ARRB1: variants seen among roughly 807,000 people sequenced by gnomAD.
ARRB1 encodes beta-arrestin-1.
Under a neutral mutation model 56.8 loss-of-function variants are expected in ARRB1, and 21 were observed. The observed-to-expected ratio is 0.37, with a 90% CI of 0.26 to 0.53. ARRB1 has a LOEUF of 0.53. Ranked by LOEUF, ARRB1 falls within the 20% of genes least tolerant of loss-of-function variation. ARRB1 has a pLI of 0.88. For synonymous variants in ARRB1, 210 were observed against 218.6 expected, an observed-to-expected ratio of 0.96 and a Z score of 0.35; for missense variants, 424 against 553.7, an observed-to-expected ratio of 0.77 and a Z score of 2.35.
chr11:75,314,145 C>G (rs1947222023), intron 1 of ARRB1, among the ~76,000 whole-genome samples: 1 of 152,210 alleles, frequency 6.6e-6, no homozygotes, highest in South Asian at 2.1e-4. Flanking sequence ...CACAGGACTC[C>G]AGTCCCACCA....
intron 1 of ARRB1, among the ~76,000 whole-genome samples, chr11:75,347,534 A>G (rs1301445204): frequency 6.6e-6 from 1 of 152,218 alleles, no homozygotes; most frequent in East Asian, 1.9e-4. Context: ...TGGAAACGGC[A>G]AGGCCCAGAA....
At chr11:75,349,506 A>G (rs1947816526) in intron 1 of ARRB1, among the ~76,000 whole-genome samples, 1 of 152,202 alleles carries the variant, frequency 6.6e-6, no homozygotes, top group Admixed American at 6.5e-5. Context: ...CCTGACAATC[A>G]TGTCAGCAGG....
intron 1 of ARRB1, among the ~76,000 whole-genome samples, chr11:75,335,477 C>T (rs775636233): frequency 2.6e-5 from 4 of 151,918 alleles, no homozygotes; most frequent in Non-Finnish European, 5.9e-5. Flanking sequence ...CCCAGCTACT[C>T]AGGAGGCTGA....
chr11:75,282,084 G>T, intron 5 of ARRB1, 63 bp from the exon 6 acceptor site: 1 of 1,571,376 alleles, frequency 6.4e-7, no homozygotes, highest in Non-Finnish European at 8.7e-7. Context: ...CTCATGTATT[G>T]CAGCCCAGAC....
chr11:75,284,437 C>T, intron 3 of ARRB1, 158 bp from the exon 4 acceptor site: 1 of 560,952 alleles, frequency 1.8e-6, no homozygotes, highest in Admixed American at 3.4e-5. Flanking sequence ...CACTGCCCAC[C>T]TCCACCACGC....
chr11:75,316,688 A>T (rs1172849072), intron 1 of ARRB1, among the ~76,000 whole-genome samples: 2 of 152,140 alleles, frequency 1.3e-5, no homozygotes, highest in African/African-American at 4.8e-5. Flanking sequence ...AGACACAGGC[A>T]GGAGAATCAT....
At chr11:75,316,060 G>A (rs1947258672) in intron 1 of ARRB1, among the ~76,000 whole-genome samples, 2 of 152,166 alleles carry the variant, frequency 1.3e-5, no homozygotes, top group African/African-American at 4.8e-5. Context: ...GGGTGCCGTG[G>A]CTCATGCCTG....
chr11:75,276,288 C>G (rs1340894724), intron 10 of ARRB1, among the ~76,000 whole-genome samples: 1 of 152,164 alleles, frequency 6.6e-6, no homozygotes, highest in Admixed American at 6.5e-5. Context: ...CACTTCAGAT[C>G]TCTCCACTTG....
At chr11:75,323,668 T>C (rs1179908714) in intron 1 of ARRB1, among the ~76,000 whole-genome samples, 1 of 151,680 alleles carries the variant, frequency 6.6e-6, no homozygotes, top group Non-Finnish European at 1.5e-5. Flanking sequence ...AAACCTTCTC[T>C]CCCCCCATGA....
chr11:75,289,565 T>C (rs1222274044), intron 2 of ARRB1, among the ~76,000 whole-genome samples: 1 of 152,036 alleles, frequency 6.6e-6, no homozygotes, highest in Non-Finnish European at 1.5e-5. Context: ...CCTGCTAAAC[T>C]GAGGGGGAAG....
chr11:75,270,626 CAAA>C (rs112776931), intron 13 of ARRB1, among the ~76,000 whole-genome samples: 2 of 98,590 alleles, frequency 2.0e-5, no homozygotes, highest in African/African-American at 3.7e-5. Context: ...GATTCTGTCT[CAAA>C]AAAAAAAAAA....
At chr11:75,340,059 G>A (rs150725761) in intron 1 of ARRB1, among the ~76,000 whole-genome samples, 2 of 152,348 alleles carry the variant, frequency 1.3e-5, no homozygotes, top group Non-Finnish European at 2.9e-5. Flanking sequence ...ACACACCACT[G>A]GGACAGGCCC....
chr11:75,286,674 T>A (rs1789687), intron 3 of ARRB1, among the ~76,000 whole-genome samples: 2 of 152,106 alleles, frequency 1.3e-5, no homozygotes, highest in Non-Finnish European at 2.9e-5. Flanking sequence ...CAGGCCACAC[T>A]AACAAAGAAC....
chr11:75,281,977 G>C lies in ARRB1; in HGVS notation c.399C>G (p.Pro133=). The change falls in exon 6 of 16, where the codon CCC becomes CCG. Residue 133 remains proline (P), a synonymous_variant. Transcript: ENST00000420843. The stretch of plus-strand genomic sequence containing the variant: ...GGTGACCTACCTTCCCCGTGTCTTC[G>C]GGCCCCGGCTGCAGTGTCACAGAAC... ...LPCSVTLQPG[P]EDTGKACGVD... 6.2e-7 allele frequency: 1 copy of C among 1,614,090 alleles called. No homozygotes were observed. The highest frequency in any genetic ancestry group is 8.5e-7 in the Non-Finnish European group (1 of 1,180,004).
At chr11:75,275,123 ATTTATTTTATTTTAT>A (rs71036039) in intron 10 of ARRB1, among the ~76,000 whole-genome samples, 1 of 138,034 alleles carries the variant, frequency 7.2e-6, no homozygotes, top group East Asian at 2.1e-4. Flanking sequence ...TTTAATTTAA[ATTTATTTTATTTTAT>A]TTTATTTTAT....
chr11:75,287,196 A>G, intron 3 of ARRB1, 119 bp downstream of exon 3: 1 of 1,003,366 alleles, frequency 1.0e-6, no homozygotes, highest in Non-Finnish European at 1.4e-6. Context: ...TGCCTGAAGC[A>G]GGAAGCCATT....
chr11:75,290,731 G>A (rs964149754), intron 1 of ARRB1, among the ~76,000 whole-genome samples: 2 of 152,060 alleles, frequency 1.3e-5, no homozygotes, highest in African/African-American at 2.4e-5. Context: ...ACAGGCACAC[G>A]CCACCACCCT....
rs1477546781 is a variant in ARRB1, at chr11:75,264,821, T to G, written c.*1342A>C. The G allele has an allele frequency of 2.0e-5, 3 of 152,252 alleles. No homozygotes were observed. The highest frequency in any genetic ancestry group is 3.9e-4 in the East Asian group (2 of 5,188). The allele number at this position is 152,252 out of a possible 1,614,324, so 9.4% of individuals were successfully genotyped here. A position where few individuals can be genotyped will look rare whatever the true frequency, so the allele number is the denominator to read the frequency against. On this transcript the variant is annotated 3_prime_UTR_variant, in exon 16 of 16. Transcript: ENST00000420843. ...AAGGAACTTGCCCAAAGTCACACAG[T>G]AAGTTATTCTCAAAGGCCAGGCAAA...
At chr11:75,290,138 A>G in intron 1 of ARRB1, 99 bp from the exon 2 acceptor site, 3 of 1,420,080 alleles carry the variant, frequency 2.1e-6, no homozygotes, top group Non-Finnish European at 2.9e-6. Flanking sequence ...CCAGGGCTGG[A>G]GTGACTGACA....
Sources: allele counts gnomAD v4.1 joint callset (sites outside exome capture counted in the v4.1 genomes callset), GRCh38; gene constraint gnomAD v4.1.1; transcripts MANE v1.5; gene names NCBI Gene and HGNC (gene_info 2026-07-23, HGNC 2026-07-21).